PI4K2A: variants seen among roughly 807,000 people sequenced by gnomAD.
PI4K2A encodes the protein phosphatidylinositol 4-kinase type 2 alpha.
Under a neutral mutation model 55.0 loss-of-function variants are expected in PI4K2A, and 20 were observed. That is an observed-to-expected ratio of 0.36 (90% CI 0.26 to 0.53). The LOEUF is 0.53. Among genes scored for constraint, PI4K2A ranks in the 20% least tolerant of loss-of-function variants. The pLI, the probability that PI4K2A is intolerant of heterozygous loss-of-function variation, is 0.91. For synonymous variants in PI4K2A, 235 were observed against 258.5 expected (o/e 0.91, Z 0.87); for missense variants, 463 against 637.1 (o/e 0.73, Z 2.94).
At chr10:97,652,090 T>C (rs2041532383) in intron 2 of PI4K2A, among the ~76,000 whole-genome samples, 1 of 152,170 alleles carries the variant, frequency 6.6e-6, no homozygotes, top group African/African-American at 2.4e-5. Flanking sequence ...ACTAAATAAC[T>C]AAAACTAAAT....
chr10:97,645,385 G>A (rs2041500026), intron 1 of PI4K2A, among the ~76,000 whole-genome samples: 1 of 152,050 alleles, frequency 6.6e-6, no homozygotes, highest in Non-Finnish European at 1.5e-5. Flanking sequence ...GAAGCGGGCG[G>A]ATCACAAGGT....
chr10:97,661,885 C>G (rs1197582594), intron 4 of PI4K2A, among the ~76,000 whole-genome samples: 6 of 146,066 alleles, frequency 4.1e-5, no homozygotes, highest in Non-Finnish European at 7.5e-5. Context: ...CAGGGTCTCA[C>G]TCTGTTGCCC....
At chr10:97,672,973 TTG>T (rs1394881412) in intron 8 of PI4K2A, among the ~76,000 whole-genome samples, 4 of 151,266 alleles carry the variant, frequency 2.6e-5, no homozygotes, top group African/African-American at 9.7e-5. Flanking sequence ...TAAGTGTTTT[TTG>T]TGTTTTTTTT....
At chr10:97,657,729 A>G (rs1330704797) in intron 4 of PI4K2A, among the ~76,000 whole-genome samples, 2 of 152,120 alleles carry the variant, frequency 1.3e-5, no homozygotes, top group African/African-American at 2.4e-5. Context: ...CGATATTTTA[A>G]TCATAGTAAA....
intron 4 of PI4K2A, among the ~76,000 whole-genome samples, chr10:97,660,216 T>A (rs2041574712): frequency 6.6e-6 from 1 of 150,488 alleles, no homozygotes; most frequent in Non-Finnish European, 1.5e-5. Context: ...TTAGCCAGGA[T>A]GGTCTCGATC....
chr10:97,650,854 A>G (rs2041527243), intron 1 of PI4K2A, 87 bp from the exon 2 acceptor site: 1 of 992,536 alleles, frequency 1.0e-6, no homozygotes, highest in Non-Finnish European at 1.6e-6. Flanking sequence ...ATGCCCTGTC[A>G]TTTCTTTCCA....
At position 97,641,109 on chromosome 10, in the gene PI4K2A, C is replaced by A. The variant is rs1056870998; in HGVS notation, c.367C>A (p.Arg123Ser). The change falls in exon 1 of 9, where the codon CGC becomes AGC. Residue 123 changes from arginine (R) to serine (S), a missense_variant. Coordinates refer to ENST00000370631, the Ensembl canonical transcript of PI4K2A. ...GCGGCAGGCCGAGCTGGCCATCGAGCGCTGCATCTTTCCCGAGCGCATCTA... is the reference window on the plus strand; with the variant it reads ...GCGGCAGGCCGAGCTGGCCATCGAGAGCTGCATCTTTCCCGAGCGCATCTA... 30 of 1,609,430 alleles carry A rather than the reference C, an allele frequency of 1.9e-5. No homozygotes were observed. Among genetic ancestry groups the A allele is most frequent in the Non-Finnish European group, 2.5e-5 (30 of 1,179,392 alleles).
chr10:97,673,930 C>T (rs1286839239), exon 9 of PI4K2A: 5 of 577,062 alleles, frequency 8.7e-6, no homozygotes, highest in East Asian at 5.7e-5. Context: ...GAGTGCTCCT[C>T]GCCCTTCTGA....
chr10:97,665,097 T>C, intron 6 of PI4K2A, 113 bp downstream of exon 6: 2 of 660,256 alleles, frequency 3.0e-6, no homozygotes, highest in Non-Finnish European at 5.2e-6. Flanking sequence ...ATTAATGAAA[T>C]AATGGAGTTC....
exon 8 of PI4K2A, chr10:97,667,099 G>A: frequency 1.2e-6 from 2 of 1,613,668 alleles, no homozygotes; most frequent in Non-Finnish European, 1.7e-6. Flanking sequence ...TCCATAAGCA[G>A]ATTGCTGTCA....
intron 4 of PI4K2A, among the ~76,000 whole-genome samples, chr10:97,657,341 C>T (rs1305494088): frequency 6.6e-6 from 1 of 151,982 alleles, no homozygotes; most frequent in African/African-American, 2.4e-5. Flanking sequence ...ATTCAACTAA[C>T]CTGGTAAAAT....
chr10:97,651,213 T>G, intron 2 of PI4K2A, 72 bp downstream of exon 2: 1 of 1,195,502 alleles, frequency 8.4e-7, no homozygotes, highest in South Asian at 1.2e-5. Flanking sequence ...CTGCTACATG[T>G]TAGTGGGACC....
chr10:97,650,349 T>C (rs1435708047), intron 1 of PI4K2A, among the ~76,000 whole-genome samples: 1 of 143,568 alleles, frequency 7.0e-6, no homozygotes, highest in South Asian at 2.2e-4. Flanking sequence ...GTGGGCAATC[T>C]AGGCTCACTG....
rs2041501547 is a variant in PI4K2A at position 97,645,627 on chromosome 10, A to AG, written c.435+4451dup. On this transcript the variant is annotated intron_variant, in intron 1 of 8. Transcript: ENST00000370631. ...TATCTCAAAAAAAAAAAAAAAAAAA[A>AG]GTTGGTAGATGATGCTTAAAATCTC... is the stretch of plus-strand genomic sequence containing the variant. 2.0e-5 allele frequency among the ~76,000 whole-genome samples: 3 copies of AG among 151,046 alleles called. No homozygotes were observed. The South Asian group carries it at 6.3e-4, about 31-fold the overall frequency.
chr10:97,653,664 C>T (rs1331997161), intron 2 of PI4K2A, among the ~76,000 whole-genome samples: 1 of 152,254 alleles, frequency 6.6e-6, no homozygotes, highest in Non-Finnish European at 1.5e-5. Flanking sequence ...CGCCTGTAAT[C>T]CCAGCACTTT....
At chr10:97,675,491 C>T (rs1217717571) in exon 9 of PI4K2A, 2 of 152,788 alleles carry the variant, frequency 1.3e-5, no homozygotes, top group East Asian at 3.9e-4. Flanking sequence ...GAACAATGTT[C>T]GAGAGAACAC....
intron 2 of PI4K2A, among the ~76,000 whole-genome samples, chr10:97,654,161 G>A (rs1314146659): frequency 6.6e-6 from 1 of 152,162 alleles, no homozygotes; most frequent in African/African-American, 2.4e-5. Flanking sequence ...GCTCCTATGA[G>A]GTTTCAGGTT....
Position 97,672,956 on chromosome 10 carries a change from T to C in PI4K2A, c.1279-625T>C, listed in dbSNP as rs114942532. Among the ~76,000 whole-genome samples, 694 of 151,308 alleles carry C rather than the reference T, an allele frequency of 4.6e-3. 8 individuals are homozygous for C. The highest frequency in any genetic ancestry group is 0.016 in the African/African-American group (656 of 41,332). The stretch of plus-strand genomic sequence containing the variant: ...CCATGTTGGCCAGGTTAGGATCTGT[T>C]CATTTTTAAGTGTTTTTTGTGTTTT... On this transcript the variant is annotated intron_variant, in intron 8 of 8. Transcript: ENST00000370631.
chr10:97,641,402 G>A (rs540784385), intron 1 of PI4K2A, among the ~76,000 whole-genome samples: 1 of 152,234 alleles, frequency 6.6e-6, no homozygotes, highest in African/African-American at 2.4e-5. Flanking sequence ...AATGAAAAGA[G>A]GAAATTGACC....
Sources: gnomAD v4.1 joint callset for allele counts (sites outside exome capture counted in the v4.1 genomes callset) on GRCh38, gnomAD v4.1.1 for gene constraint, MANE v1.5 for transcripts, NCBI Gene and HGNC (gene_info 2026-07-23, HGNC 2026-07-21) for gene names.